DCC: variants seen among roughly 807,000 people sequenced by gnomAD.
The protein encoded by DCC is DCC netrin 1 receptor, also known as netrin receptor DCC.
DCC carries 58 observed loss-of-function variants against 172.5 expected under a neutral mutation model. That is an observed-to-expected ratio of 0.34 (90% CI 0.27 to 0.42). The LOEUF is 0.42. Among genes scored for constraint, DCC ranks in the 10% least tolerant of loss-of-function variants. DCC has a pLI of 1.00. For missense variants in DCC, 1,740 were observed against 1,791.0 expected (o/e 0.97, Z 0.51); for synonymous variants, 709 against 644.5 (o/e 1.10, Z -1.52).
chr18:53,473,920 GTTATC>G (rs1433439445), intron 25 of DCC, among the ~76,000 whole-genome samples: 1 of 152,096 alleles, frequency 6.6e-6, no homozygotes, highest in African/African-American at 2.4e-5. Context: ...GCTTCATACT[GTTATC>G]TTGAGCTCTG....
At chr18:52,665,796 G>T (rs79995565) in intron 1 of DCC, among the ~76,000 whole-genome samples, 9,159 of 152,186 alleles carry the variant, frequency 0.06, 335 homozygotes, top group Non-Finnish European at 0.088. Flanking sequence ...ATATTGGGGA[G>T]AACAATTTTT....
chr18:52,665,240 G>C (rs913625486), intron 1 of DCC, among the ~76,000 whole-genome samples: 1 of 152,158 alleles, frequency 6.6e-6, no homozygotes, highest in Non-Finnish European at 1.5e-5. Context: ...AAAGAGCTGA[G>C]GGCTGATGGG....
intron 15 of DCC, among the ~76,000 whole-genome samples, chr18:53,377,872 C>T (rs1486015183): frequency 1.3e-5 from 2 of 152,200 alleles, no homozygotes; most frequent in Non-Finnish European, 2.9e-5. Flanking sequence ...TTCCCTCAGC[C>T]ATTGTTCATC....
chr18:52,521,473 C>G (rs1281311370), intron 1 of DCC, among the ~76,000 whole-genome samples: 7 of 152,130 alleles, frequency 4.6e-5, no homozygotes, highest in African/African-American at 1.7e-4. Flanking sequence ...TCAGTGAGGG[C>G]TTTGTTTCTG....
At chr18:53,222,226 C>G (rs889602782) in intron 12 of DCC, among the ~76,000 whole-genome samples, 4 of 152,106 alleles carry the variant, frequency 2.6e-5, no homozygotes, top group Non-Finnish European at 5.9e-5. Context: ...TCCAACTTAA[C>G]TGCTTTCTGT....
chr18:53,063,287 T>G lies in DCC; in HGVS notation c.986-18T>G. On this transcript the variant is annotated intron_variant, in intron 5 of 28. Transcript: ENST00000442544. ...CATCCCCACCCACTCACTCACTTTT[T>G]TTTTTCTGTCTTTGCAGTTCCGCCA... The G allele has an allele frequency of 6.2e-7, 1 of 1,613,082 alleles. No homozygotes were observed. The highest frequency in any genetic ancestry group is 8.5e-7 in the Non-Finnish European group (1 of 1,179,304).
At chr18:52,375,030 A>G (rs1985286838) in intron 1 of DCC, among the ~76,000 whole-genome samples, 1 of 152,220 alleles carries the variant, frequency 6.6e-6, no homozygotes, top group African/African-American at 2.4e-5. Context: ...AATCTGATAC[A>G]TGGCTGAAAG....
intron 27 of DCC, among the ~76,000 whole-genome samples, chr18:53,510,988 C>T (rs2046244680): frequency 1.3e-5 from 2 of 152,146 alleles, no homozygotes; most frequent in African/African-American, 4.8e-5. Flanking sequence ...ATAATTTAAG[C>T]CTTACTTATC....
chr18:52,441,219 G>A (rs1987960494), intron 1 of DCC, among the ~76,000 whole-genome samples: 1 of 152,120 alleles, frequency 6.6e-6, no homozygotes, highest in Non-Finnish European at 1.5e-5. Flanking sequence ...TTTATTTTAA[G>A]AAACAGCAAT....
intron 7 of DCC, among the ~76,000 whole-genome samples, chr18:53,079,696 T>C (rs1243259563): frequency 6.6e-6 from 1 of 152,074 alleles, no homozygotes; most frequent in Non-Finnish European, 1.5e-5. Context: ...ACTCTTTCAA[T>C]GGGAAGAGGA....
chr18:52,427,819 C>CCTTTCTTT (rs772625577), intron 1 of DCC, among the ~76,000 whole-genome samples: 1 of 91,292 alleles, frequency 1.1e-5, no homozygotes, highest in East Asian at 4.8e-4. Context: ...TTCCTTTCTT[C>CCTTTCTTT]CTTCCTTCCT....
At chr18:53,294,474 T>C (rs1229049598) in intron 12 of DCC, among the ~76,000 whole-genome samples, 1 of 152,168 alleles carries the variant, frequency 6.6e-6, no homozygotes, top group Non-Finnish European at 1.5e-5. Flanking sequence ...AGAAGGCTAG[T>C]AGGTTTTGCT....
chr18:52,939,333 C>A (rs1568199607), intron 5 of DCC, among the ~76,000 whole-genome samples: 1 of 152,150 alleles, frequency 6.6e-6, no homozygotes, highest in African/African-American at 2.4e-5. Context: ...CTGATTAAGA[C>A]CATCTCTCAT....
chr18:52,625,926 G>A (rs559596782), intron 1 of DCC, among the ~76,000 whole-genome samples: 39 of 152,160 alleles, frequency 2.6e-4, no homozygotes, highest in Non-Finnish European at 5.0e-4. Context: ...ACTCATCAGC[G>A]GCTCCTGTTC....
intron 3 of DCC, among the ~76,000 whole-genome samples, chr18:52,922,191 A>G (rs144842300): frequency 1.5e-3 from 233 of 152,264 alleles, no homozygotes; most frequent in African/African-American, 5.3e-3. Flanking sequence ...AAGAGTATTT[A>G]TTTTTGTTGC....
chr18:53,502,869 G>T (rs1195276618), intron 27 of DCC, among the ~76,000 whole-genome samples: 3 of 151,756 alleles, frequency 2.0e-5, no homozygotes, highest in East Asian at 3.9e-4. Context: ...TTTATTTTAG[G>T]TTCTGGGGTA....
chr18:53,150,626 C>T, intron 7 of DCC, among the ~76,000 whole-genome samples: 1 of 152,140 alleles, frequency 6.6e-6, no homozygotes, highest in East Asian at 1.9e-4. Context: ...GGTAGAGGGG[C>T]CTAAGCCAGG....
intron 1 of DCC, among the ~76,000 whole-genome samples, chr18:52,617,804 G>A (rs529899065): frequency 6.6e-6 from 1 of 152,114 alleles, no homozygotes; most frequent in African/African-American, 2.4e-5. Context: ...TATCAGTGAA[G>A]CATGAAGAGA....
chr18:53,085,908 C>T (rs1329218820), intron 7 of DCC, among the ~76,000 whole-genome samples: 1 of 150,790 alleles, frequency 6.6e-6, no homozygotes, highest in Non-Finnish European at 1.5e-5. Flanking sequence ...TATTTTGTTT[C>T]TTACATAAAA....
Sources: gnomAD v4.1 joint callset for allele counts (sites outside exome capture counted in the v4.1 genomes callset) on GRCh38, gnomAD v4.1.1 for gene constraint, MANE v1.5 for transcripts, NCBI Gene and HGNC (gene_info 2026-07-23, HGNC 2026-07-21) for gene names.